KIAA0930: variants seen among roughly 807,000 people sequenced by gnomAD.
The protein encoded by KIAA0930 is uncharacterized protein KIAA0930.
KIAA0930 carries 24 observed loss-of-function variants against 43.9 expected under a neutral mutation model. The observed-to-expected ratio is 0.55, with a 90% CI of 0.40 to 0.77. KIAA0930 has a LOEUF of 0.77. Among genes scored for constraint, KIAA0930 ranks in the 30% least tolerant of loss-of-function variants. KIAA0930 has a pLI of 0.00. For synonymous variants in KIAA0930, 259 were observed against 216.4 expected, an observed-to-expected ratio of 1.20 and a Z score of -1.73; for missense variants, 461 against 574.2, an observed-to-expected ratio of 0.80 and a Z score of 2.02.
At chr22:45,217,689 C>T (rs1196967891) in intron 1 of KIAA0930, among the ~76,000 whole-genome samples, 3 of 152,280 alleles carry the variant, frequency 2.0e-5, no homozygotes, top group East Asian at 1.9e-4. Context: ...AGGAATTTTT[C>T]GACACTGCAT....
chr22:45,231,223 G>GA (rs529570003), intron 1 of KIAA0930, among the ~76,000 whole-genome samples: 2,259 of 47,308 alleles, frequency 0.048, 79 homozygotes, highest in East Asian at 0.21. Context: ...CTCCGTCTCA[G>GA]AAAAAAAAAA....
chr22:45,208,281 G>A (rs1162121462), intron 2 of KIAA0930, among the ~76,000 whole-genome samples: 3 of 138,236 alleles, frequency 2.2e-5, no homozygotes, highest in East Asian at 2.2e-4. Flanking sequence ...TATACTGCCC[G>A]ATTCCAATGT....
rs1343822659 is a variant in KIAA0930, at chr22:45,205,882, A to ACACCTC, written c.241_246dup (p.Glu81_Val82dup). On this transcript the variant is annotated inframe_insertion, in exon 3 of 10. Transcript: ENST00000336156. ...GGCAGCTTCTTGGAGTCCCGCCGGT[A>ACACCTC]CACCTCCACCTCCACCTCAGGCTCA... is the stretch of plus-strand genomic sequence containing the variant. 3.7e-6 allele frequency: 6 copies of ACACCTC among 1,611,930 alleles called. No individual in the cohort carries two copies. The highest frequency in any genetic ancestry group is 1.7e-5 in the Admixed American group (1 of 59,678).
intron 1 of KIAA0930, among the ~76,000 whole-genome samples, chr22:45,231,474 G>C (rs899627627): frequency 6.6e-6 from 1 of 152,132 alleles, no homozygotes; most frequent in Non-Finnish European, 1.5e-5. Context: ...TGTGTGAACA[G>C]GATACAGAGG....
chr22:45,233,457 G>A (rs1028884424), intron 1 of KIAA0930, among the ~76,000 whole-genome samples: 11 of 152,312 alleles, frequency 7.2e-5, no homozygotes, highest in African/African-American at 2.6e-4. Flanking sequence ...GAGTCGGTAG[G>A]CCTGGGTGGG....
In KIAA0930 at chr22:45,235,229, G is replaced by A. The variant is rs371820533; in HGVS notation, c.64+5411C>T. On this transcript the variant is annotated intron_variant, in intron 1 of 9. Coordinates refer to ENST00000336156, the MANE Select transcript of KIAA0930 (RefSeq NM_001009880.2). ...AATGACTCCCCAAGGCCCCTGAGCA[G>A]GGCAGCACAGCATTCTTACCCAGGC... The A allele has an allele frequency of 3.3e-5, 5 of 152,384 alleles. No homozygotes were observed. In the East Asian group the frequency reaches 5.8e-4, roughly 18 times the overall value. The allele number at this position is 152,384 out of a possible 1,614,324, so 9.4% of individuals were successfully genotyped here. A position where few individuals can be genotyped will look rare whatever the true frequency, so the allele number is the denominator to read the frequency against.
At chr22:45,215,920 C>T (rs1463672814) in intron 1 of KIAA0930, among the ~76,000 whole-genome samples, 2 of 151,896 alleles carry the variant, frequency 1.3e-5, no homozygotes, top group Non-Finnish European at 2.9e-5. Flanking sequence ...CCCAGCTACT[C>T]GGGAGGCTGA....
chr22:45,213,564 A>G (rs567740330), intron 1 of KIAA0930: 511 of 1,072,772 alleles, frequency 4.8e-4, no homozygotes, highest in Non-Finnish European at 5.8e-4. Context: ...GCAAAGCCCA[A>G]GTCACGCTAC....
Position 45,197,051 on chromosome 22 carries a change from C to G in KIAA0930, c.*125G>C, listed in dbSNP as rs1020628561. 4 of 825,442 alleles carry G rather than the reference C, an allele frequency of 4.8e-6. No homozygotes were observed. The African/African-American group carries it at 7.2e-5, about 15-fold the overall frequency. 51.1% of individuals were successfully genotyped at this position (825,442 alleles called of 1,614,324 possible). On this transcript the variant is annotated 3_prime_UTR_variant, in exon 10 of 10. Coordinates refer to ENST00000336156, the MANE Select transcript of KIAA0930 (RefSeq NM_001009880.2). ...GCCCCGGCCCCGGGAGTCGAGTGGC[C>G]TCGCCTGGCTGCGGCTCCAGCACTG...
intron 1 of KIAA0930, among the ~76,000 whole-genome samples, chr22:45,221,485 G>C (rs538343619): frequency 6.6e-6 from 1 of 152,174 alleles, no homozygotes; most frequent in African/African-American, 2.4e-5. Flanking sequence ...ATGTTTTCAC[G>C]CAGATGCCCT....
chr22:45,228,931 C>CA (rs1213622941), intron 1 of KIAA0930, among the ~76,000 whole-genome samples: 1 of 46,948 alleles, frequency 2.1e-5, no homozygotes, highest in Non-Finnish European at 3.6e-5. Context: ...TCTCCACCCC[C>CA]CAACCACTCA....
chr22:45,232,211 G>T lies in KIAA0930; in HGVS notation c.64+8429C>A, dbSNP rs146107783. On this transcript the variant is annotated intron_variant, in intron 1 of 9. Transcript: ENST00000336156. ...TCAGCACTGCTGTGAGGACACACGA[G>T]GGTGTGCAGGGCAGCACTTCTCTAT... Among the ~76,000 whole-genome samples, 1,220 of 152,316 alleles carry T rather than the reference G, an allele frequency of 8.0e-3. 10 individuals carry two copies. The highest frequency in any genetic ancestry group is 0.014 in the Middle Eastern group (4 of 294).
intron 1 of KIAA0930, among the ~76,000 whole-genome samples, chr22:45,232,878 T>C (rs967087611): frequency 1.3e-5 from 2 of 152,068 alleles, no homozygotes; most frequent in Non-Finnish European, 2.9e-5. Context: ...ATGTGCAGAG[T>C]TCGGCTTTGA....
At chr22:45,202,751 G>A (rs1394191284) in intron 7 of KIAA0930, 2 of 458,222 alleles carry the variant, frequency 4.4e-6, no homozygotes, top group Non-Finnish European at 7.7e-6. Flanking sequence ...CCTTGGCCAG[G>A]CACAGCCCTC....
chr22:45,220,191 G>A (rs370120070), intron 1 of KIAA0930, among the ~76,000 whole-genome samples: 9 of 152,064 alleles, frequency 5.9e-5, no homozygotes, highest in Non-Finnish European at 8.8e-5. Context: ...AGAGGCTCAC[G>A]TCTGTAATCC....
At chr22:45,228,037 G>T (rs1176170803) in intron 1 of KIAA0930, among the ~76,000 whole-genome samples, 1 of 152,232 alleles carries the variant, frequency 6.6e-6, no homozygotes, top group Admixed American at 6.5e-5. Context: ...CAATCCGTGG[G>T]CTGGCAGGAG....
intron 1 of KIAA0930, among the ~76,000 whole-genome samples, chr22:45,227,998 T>C (rs1312684105): frequency 6.6e-6 from 1 of 152,182 alleles, no homozygotes; most frequent in South Asian, 2.1e-4. Context: ...GTCTCAGGGA[T>C]GGCCCAGGTC....
At position 45,194,424 on chromosome 22, in the gene KIAA0930, G is replaced by A. The variant is rs1338558653; in HGVS notation, c.*2752C>T. 1 of 152,120 alleles carries A rather than the reference G, an allele frequency of 6.6e-6. No individual in the cohort carries two copies. Among genetic ancestry groups the A allele is most frequent in the Non-Finnish European group, 1.5e-5 (1 of 68,038 alleles). The allele number at this position is 152,120 out of a possible 1,614,324, so 9.4% of individuals were successfully genotyped here. On this transcript the variant is annotated 3_prime_UTR_variant, in exon 10 of 10. Coordinates refer to ENST00000336156, the MANE Select transcript of KIAA0930 (RefSeq NM_001009880.2). ...GGATTAAAGTACAGTTTTCCGCTGAGGAAACCTAAGGTCTTAAAGGGGTTT... is the reference window on the plus strand; with the variant it reads ...GGATTAAAGTACAGTTTTCCGCTGAAGAAACCTAAGGTCTTAAAGGGGTTT...
At chr22:45,236,469 G>A (rs558927111) in intron 1 of KIAA0930, among the ~76,000 whole-genome samples, 73 of 152,090 alleles carry the variant, frequency 4.8e-4, no homozygotes, top group African/African-American at 1.7e-3. Flanking sequence ...TGAAGACTAC[G>A]CTGTCCACAA....
Sources: allele counts gnomAD v4.1 joint callset (sites outside exome capture counted in the v4.1 genomes callset), GRCh38; gene constraint gnomAD v4.1.1; transcripts MANE v1.5; gene names NCBI Gene and HGNC (gene_info 2026-07-23, HGNC 2026-07-21).